The following TUT4 variants were observed in gnomAD, a reference collection of about 807,000 sequenced individuals.
The protein encoded by TUT4 is terminal uridylyltransferase 4.
In TUT4, 36 loss-of-function variants were observed where a neutral mutation model predicts 192.2. That is an observed-to-expected ratio of 0.19 (90% confidence interval 0.14 to 0.25). TUT4 has a LOEUF of 0.25. Among genes scored for constraint, TUT4 ranks in the 10% least tolerant of loss-of-function variants. The pLI, the probability that TUT4 is intolerant of heterozygous loss-of-function variation, is 1.00. For missense variants in TUT4, 1,493 were observed against 1,957.2 expected, an observed-to-expected ratio of 0.76 and a Z score of 4.47; for synonymous variants, 618 against 666.0, an observed-to-expected ratio of 0.93 and a Z score of 1.11.
intron 1 of TUT4, among the ~76,000 whole-genome samples, chr1:52,550,450 T>C (rs1216420405): frequency 2.0e-5 from 3 of 152,070 alleles, no homozygotes; most frequent in Non-Finnish European, 2.9e-5. Context: ...GAGTTCTATT[T>C]TGTCAAACAA....
chr1:52,441,282 CTTTTTT>C lies in TUT4; in HGVS notation c.3823-2953_3823-2948del, dbSNP rs201555130. Among the ~76,000 whole-genome samples, 5 of 118,204 alleles carry C rather than the reference CTTTTTT, an allele frequency of 4.2e-5. No homozygotes were observed. The East Asian group carries it at 1.2e-3, about 28-fold the overall frequency. The allele number at this position is 118,204 out of a possible 152,430, so 77.5% of individuals were successfully genotyped here. Reference sequence around the variant, plus strand: ...GTGGGACAAAGTGCAGGGCATATGGCTTTTTTTTTTTTTTTTTTTGAGACAGAGTGT... The same window carrying C: ...GTGGGACAAAGTGCAGGGCATATGGCTTTTTTTTTTTTTGAGACAGAGTGT... On this transcript the variant is annotated intron_variant, in intron 24 of 29. Coordinates refer to ENST00000257177, the MANE Select transcript of TUT4 (RefSeq NM_001009881.3).
intron 15 of TUT4, among the ~76,000 whole-genome samples, chr1:52,466,543 T>C (rs559095203): frequency 6.7e-6 from 1 of 149,286 alleles, no homozygotes; most frequent in Non-Finnish European, 1.5e-5. Flanking sequence ...GAGACTAAGG[T>C]AGGAGGATCG....
chr1:52,542,943 C>T (rs1036665208), intron 1 of TUT4, among the ~76,000 whole-genome samples: 1 of 152,094 alleles, frequency 6.6e-6, no homozygotes, highest in African/African-American at 2.4e-5. Context: ...TTAGTAGAGA[C>T]AGCGTTTCTC....
intron 4 of TUT4, among the ~76,000 whole-genome samples, chr1:52,498,939 TA>T (rs1411532206): frequency 1.2e-5 from 1 of 81,326 alleles, no homozygotes; most frequent in East Asian, 3.3e-4. Context: ...TATATATATA[TA>T]TATATATATA....
At chr1:52,496,551 C>CAT (rs1228284516) in intron 5 of TUT4, among the ~76,000 whole-genome samples, 1 of 151,968 alleles carries the variant, frequency 6.6e-6, no homozygotes, top group African/African-American at 2.4e-5. Context: ...GCAAATAGTC[C>CAT]ATATATAAAT....
chr1:52,497,649 C>T (rs545807860), intron 4 of TUT4, among the ~76,000 whole-genome samples: 5 of 152,226 alleles, frequency 3.3e-5, no homozygotes, highest in Non-Finnish European at 7.4e-5. Flanking sequence ...CAACGCTATG[C>T]GAAATGTTCA....
chr1:52,469,461 C>T (rs77575736), intron 14 of TUT4, among the ~76,000 whole-genome samples: 1 of 151,974 alleles, frequency 6.6e-6, no homozygotes, highest in Non-Finnish European at 1.5e-5. Flanking sequence ...TAAAATGGAA[C>T]AATTTAAAAA....
At chr1:52,443,402 C>T (rs1237917891) in intron 24 of TUT4, among the ~76,000 whole-genome samples, 2 of 151,716 alleles carry the variant, frequency 1.3e-5, no homozygotes. Context: ...ACCTGACCAG[C>T]ATGGTGAAAC....
chr1:52,463,800 G>GTCT (rs751243619), intron 16 of TUT4: 1 of 1,303,780 alleles, frequency 7.7e-7, no homozygotes, highest in African/African-American at 1.5e-5. Flanking sequence ...AAAGGAAAGC[G>GTCT]TAAGTACCCA....
chr1:52,499,379 C>A (rs759217698), intron 4 of TUT4, among the ~76,000 whole-genome samples: 1 of 152,088 alleles, frequency 6.6e-6, no homozygotes. Context: ...GCCTGGACAA[C>A]AGAGCAAGAC....
chr1:52,442,656 C>A (rs891936341), intron 24 of TUT4, among the ~76,000 whole-genome samples: 1 of 152,174 alleles, frequency 6.6e-6, no homozygotes, highest in African/African-American at 2.4e-5. Flanking sequence ...AAATTTCAGG[C>A]TTCAGATTTG....
chr1:52,472,312 T>G (rs1203398411), intron 13 of TUT4, among the ~76,000 whole-genome samples: 1 of 151,888 alleles, frequency 6.6e-6, no homozygotes, highest in Non-Finnish European at 1.5e-5. Flanking sequence ...CCACTAAAAT[T>G]ATATCAAGGA....
chr1:52,481,744 T>G (rs911094214), intron 10 of TUT4, 60 bp downstream of exon 10: 1 of 1,546,468 alleles, frequency 6.5e-7, no homozygotes, highest in African/African-American at 1.4e-5. Flanking sequence ...TTGAGCAGAG[T>G]TCTCTGCAAG....
At chr1:52,437,019 T>A (rs756076545) in intron 25 of TUT4, 41 bp from the exon 26 acceptor site, 2 of 1,599,678 alleles carry the variant, frequency 1.3e-6, no homozygotes, top group South Asian at 2.2e-5. Context: ...GTAAATTAAG[T>A]GAGTCACAGA....
At chr1:52,503,145 G>T (rs1674628064) in intron 4 of TUT4, among the ~76,000 whole-genome samples, 3 of 152,230 alleles carry the variant, frequency 2.0e-5, no homozygotes, top group Admixed American at 2.0e-4. Context: ...GTGGAACTGA[G>T]AATTAAATCT....
Position 52,493,705 on chromosome 1 carries a change from T to G in TUT4, c.1267-43A>C, listed in dbSNP as rs563485588. 8.1e-6 allele frequency: 10 copies of G among 1,236,766 alleles called. No homozygotes were observed. In the East Asian group the frequency reaches 2.2e-4, roughly 27 times the overall value. 76.6% of individuals were successfully genotyped at this position (1,236,766 alleles called of 1,614,324 possible). A position where few individuals can be genotyped will look rare whatever the true frequency, so the allele number is the denominator to read the frequency against. On this transcript the variant is annotated intron_variant, in intron 6 of 29. Coordinates refer to ENST00000257177, the MANE Select transcript of TUT4 (RefSeq NM_001009881.3). Reference sequence around the variant, plus strand: ...ATAAATCGATATACTAATTTCAAAGTTCGGACAGCAGAACATTAAGGAAAA... The same window carrying G: ...ATAAATCGATATACTAATTTCAAAGGTCGGACAGCAGAACATTAAGGAAAA...
chr1:52,499,024 T>C (rs957353817), intron 4 of TUT4, among the ~76,000 whole-genome samples: 7 of 138,364 alleles, frequency 5.1e-5, no homozygotes, highest in African/African-American at 1.9e-4. Flanking sequence ...GGACCCCAAA[T>C]AGCCAAAACG....
intron 11 of TUT4, 55 bp downstream of exon 11, chr1:52,481,368 A>T: frequency 3.2e-6 from 5 of 1,562,184 alleles, no homozygotes; most frequent in Non-Finnish European, 4.4e-6. Flanking sequence ...TCAATCGAAG[A>T]ATATCACAAA....
In TUT4 at chr1:52,427,083, C is replaced by T. The variant is rs563773537; in HGVS notation, c.4712-1576G>A. Reference sequence around the variant, plus strand: ...ACATGGCAGGCTACTAAAGAGAAAACTAAACTCACTACTAGACAGAAAATG... The same window carrying T: ...ACATGGCAGGCTACTAAAGAGAAAATTAAACTCACTACTAGACAGAAAATG... On this transcript the variant is annotated intron_variant, in intron 28 of 29. Transcript: ENST00000257177. 1.2e-3 allele frequency among the ~76,000 whole-genome samples: 189 copies of T among 151,786 alleles called. 1 individual carries two copies. Among genetic ancestry groups the T allele is most frequent in the African/African-American group, 4.4e-3 (181 of 41,426 alleles).
Sources: allele counts gnomAD v4.1 joint callset (sites outside exome capture counted in the v4.1 genomes callset), GRCh38; gene constraint gnomAD v4.1.1; transcripts MANE v1.5; gene names NCBI Gene and HGNC (gene_info 2026-07-23, HGNC 2026-07-21).